The following KANSL2 variants were observed in gnomAD, a reference collection of about 807,000 sequenced individuals.
The protein encoded by KANSL2 is NSL complex protein NSL2.
A neutral mutation model predicts 55.6 loss-of-function variants in KANSL2; 34 were observed. The ratio of observed to expected loss-of-function variants is 0.61; its 90% CI spans 0.46 to 0.81. The LOEUF is 0.81. Among genes scored for constraint, KANSL2 ranks in the 40% least tolerant of loss-of-function variants. The probability of loss-of-function intolerance (pLI) is 0.00; values close to 1 mark genes in which losing one functional copy is unlikely to be tolerated. For missense variants in KANSL2, 502 were observed against 609.9 expected, an observed-to-expected ratio of 0.82 and a Z score of 1.86; for synonymous variants, 209 against 214.3, an observed-to-expected ratio of 0.98 and a Z score of 0.22.
intron 7 of KANSL2, among the ~76,000 whole-genome samples, chr12:48,661,736 G>A (rs1939491232): frequency 6.6e-6 from 1 of 152,052 alleles, no homozygotes; most frequent in Non-Finnish European, 1.5e-5. Context: ...TCTCAAGCAG[G>A]GTGTGACAAC....
At chr12:48,659,565 C>T (rs1044326773) in intron 8 of KANSL2, among the ~76,000 whole-genome samples, 1 of 151,234 alleles carries the variant, frequency 6.6e-6, no homozygotes, top group Non-Finnish European at 1.5e-5. Flanking sequence ...CGAGGCTGCA[C>T]GGAGCCATGA....
intron 7 of KANSL2, chr12:48,662,644 C>G (rs1436623060): frequency 1.0e-5 from 13 of 1,286,938 alleles, no homozygotes; most frequent in Non-Finnish European, 1.3e-5. Context: ...CAATGGCAGT[C>G]GCATCTTTCT....
chr12:48,670,133 G>A (rs1372350537), intron 5 of KANSL2, among the ~76,000 whole-genome samples: 2 of 150,662 alleles, frequency 1.3e-5, no homozygotes, highest in Admixed American at 1.3e-4. Flanking sequence ...CCCGGGAGGT[G>A]GAGGTTGCAG....
Position 48,682,201 on chromosome 12 carries a change from T to C in KANSL2, c.-24A>G, listed in dbSNP as rs61942053. 2.1e-5 allele frequency: 14 copies of C among 669,652 alleles called. No homozygotes were observed. Among genetic ancestry groups the C allele is most frequent in the Admixed American group, 4.4e-5 (2 of 45,454 alleles). The allele number at this position is 669,652 out of a possible 1,614,324, so 41.5% of individuals were successfully genotyped here. A position where few individuals can be genotyped will look rare whatever the true frequency, so the allele number is the denominator to read the frequency against. On this transcript the variant is annotated 5_prime_UTR_variant, in exon 1 of 10. Transcript: ENST00000420613. ...CGCCATCTTACCTCAGGAGCTGCGCTGCGCCGCACTCTGCCGCGCCGCTCG... is the reference window on the plus strand; with the variant it reads ...CGCCATCTTACCTCAGGAGCTGCGCCGCGCCGCACTCTGCCGCGCCGCTCG...
intron 8 of KANSL2, 121 bp from the exon 9 acceptor site, chr12:48,655,181 T>TA (rs200583816): frequency 3.2e-3 from 2,725 of 854,892 alleles, no homozygotes; most frequent in South Asian, 3.8e-3. Context: ...CTACCTTTAA[T>TA]AAAAAAAAAA....
At chr12:48,677,092 T>C (rs1006283701) in intron 4 of KANSL2, among the ~76,000 whole-genome samples, 1 of 152,208 alleles carries the variant, frequency 6.6e-6, no homozygotes, top group African/African-American at 2.4e-5. Flanking sequence ...AATGCATAAA[T>C]TTAGTGGGTC....
intron 3 of KANSL2, 136 bp from the exon 4 acceptor site, chr12:48,679,286 G>C: frequency 1.4e-6 from 1 of 713,880 alleles, no homozygotes; most frequent in Non-Finnish European, 2.5e-6. Flanking sequence ...TAGTACAAAG[G>C]TACTGGCAAA....
intron 5 of KANSL2, among the ~76,000 whole-genome samples, chr12:48,670,035 T>C (rs1939680097): frequency 6.6e-6 from 1 of 151,908 alleles, no homozygotes; most frequent in Non-Finnish European, 1.5e-5. Context: ...ACCCCATCTC[T>C]ACTAAAAATA....
intron 7 of KANSL2, chr12:48,667,437 C>T (rs754890382): frequency 9.8e-5 from 55 of 563,678 alleles, no homozygotes; most frequent in South Asian, 8.3e-4. Flanking sequence ...AAATATTAGC[C>T]CACATCTATG....
intron 5 of KANSL2, among the ~76,000 whole-genome samples, chr12:48,669,973 C>T (rs1442668959): frequency 2.0e-5 from 3 of 151,962 alleles, no homozygotes; most frequent in Non-Finnish European, 4.4e-5. Flanking sequence ...GAGCCCAAGG[C>T]GGGCAGATCA....
At chr12:48,681,913 C>G in intron 1 of KANSL2, 1 of 703,490 alleles carries the variant, frequency 1.4e-6, no homozygotes, top group Non-Finnish European at 2.6e-6. Flanking sequence ...GAAGCGACAA[C>G]ACCAGCCCCA....
At chr12:48,666,394 T>TAAA (rs71080135) in intron 7 of KANSL2, among the ~76,000 whole-genome samples, 2 of 131,770 alleles carry the variant, frequency 1.5e-5, no homozygotes, top group Non-Finnish European at 1.7e-5. Context: ...CTACAAAAAA[T>TAAA]AAAAAAAAAA....
chr12:48,677,258 G>A (rs760006873), intron 4 of KANSL2, among the ~76,000 whole-genome samples: 1 of 152,078 alleles, frequency 6.6e-6, no homozygotes, highest in South Asian at 2.1e-4. Flanking sequence ...TTCCACATTT[G>A]TATTTCTCAT....
chr12:48,679,266 A>T, intron 3 of KANSL2, 116 bp from the exon 4 acceptor site: 1 of 768,514 alleles, frequency 1.3e-6, no homozygotes, highest in Non-Finnish European at 2.3e-6. Flanking sequence ...AAAACAAAAA[A>T]AAAAACACTT....
intron 4 of KANSL2, among the ~76,000 whole-genome samples, chr12:48,677,755 A>G (rs1363482704): frequency 7.6e-6 from 1 of 131,740 alleles, no homozygotes; most frequent in African/African-American, 2.8e-5. Context: ...ACTGCACTCC[A>G]GCCTGGGTGA....
intron 8 of KANSL2, among the ~76,000 whole-genome samples, chr12:48,655,563 T>C (rs1939362618): frequency 8.9e-6 from 1 of 111,966 alleles, no homozygotes. Flanking sequence ...AGCCAGACCC[T>C]GTCTCAAAAA....
intron 4 of KANSL2, among the ~76,000 whole-genome samples, chr12:48,672,433 A>ATTTTTTTT (rs1555155470): frequency 3.2e-4 from 39 of 120,360 alleles, no homozygotes; most frequent in African/African-American, 1.3e-3. Flanking sequence ...ATATATATAT[A>ATTTTTTTT]TTTTTTTTTT....
intron 4 of KANSL2, among the ~76,000 whole-genome samples, chr12:48,672,412 T>C (rs1014040302): frequency 1.8e-4 from 19 of 107,534 alleles, no homozygotes; most frequent in African/African-American, 6.0e-4. Flanking sequence ...TATATACGTA[T>C]ATATATATAT....
chr12:48,660,561 T>C lies in KANSL2; in HGVS notation c.1032A>G (p.Val344=). The change falls in exon 8 of 10, where the codon GTA becomes GTG. Residue 344 remains valine (V), a synonymous_variant. Coordinates refer to ENST00000420613, the MANE Select transcript of KANSL2 (RefSeq NM_017822.4). The part of the protein sequence containing the change: ...LFKCCQGSEE[V]PCNKPVPVSL... ...TTACAGGAACAGGTTTGTTGCAGGG[T>C]ACCTCTTCAGATCCCTGGCAGCACT... The C allele has an allele frequency of 1.2e-6, 2 of 1,613,214 alleles. No individual in the cohort carries two copies. Among genetic ancestry groups the C allele is most frequent in the Non-Finnish European group, 8.5e-7 (1 of 1,179,554 alleles).
Sources: allele counts gnomAD v4.1 joint callset (sites outside exome capture counted in the v4.1 genomes callset), GRCh38; gene constraint gnomAD v4.1.1; transcripts MANE v1.5; gene names NCBI Gene and HGNC (gene_info 2026-07-23, HGNC 2026-07-21).